GRIN2B: variants seen among roughly 807,000 people sequenced by gnomAD.
GRIN2B encodes the protein glutamate ionotropic receptor NMDA type subunit 2B.
Under a neutral mutation model 114.5 loss-of-function variants are expected in GRIN2B, and 5 were observed. The observed-to-expected ratio is 0.04, with a 90% CI of 0.02 to 0.09. GRIN2B has a LOEUF of 0.09. Among genes scored for constraint, GRIN2B ranks in the 10% least tolerant of loss-of-function variants. GRIN2B has a pLI of 1.00. For synonymous variants in GRIN2B, 787 were observed against 745.1 expected (o/e 1.06, Z -0.92); for missense variants, 1,108 against 1,943.5 (o/e 0.57, Z 8.08).
intron 3 of GRIN2B, among the ~76,000 whole-genome samples, chr12:13,757,529 C>T (rs1339193804): frequency 6.6e-6 from 1 of 152,108 alleles, no homozygotes; most frequent in Non-Finnish European, 1.5e-5. Flanking sequence ...CTGTTTGTAG[C>T]TCACTATGCT....
Position 13,711,992 on chromosome 12 carries a change from T to C in GRIN2B, c.1011-36133A>G, listed in dbSNP as rs527815955. ...TGGAACCAACCCAAATGTCCAACAGTGATAGACTGGATTAAGAAAATGGGG... is the reference window on the plus strand; with the variant it reads ...TGGAACCAACCCAAATGTCCAACAGCGATAGACTGGATTAAGAAAATGGGG... On this transcript the variant is annotated intron_variant, in intron 4 of 13. Coordinates refer to ENST00000609686, the MANE Select transcript of GRIN2B (RefSeq NM_000834.5). Among the ~76,000 whole-genome samples, 518 of 152,138 alleles carry C rather than the reference T, an allele frequency of 3.4e-3. 3 individuals carry two copies. The highest frequency in any genetic ancestry group is 5.3e-3 in the Non-Finnish European group (359 of 67,996).
intron 4 of GRIN2B, among the ~76,000 whole-genome samples, chr12:13,752,804 C>A (rs1863506240): frequency 6.6e-6 from 1 of 152,206 alleles, no homozygotes; most frequent in African/African-American, 2.4e-5. Flanking sequence ...GACTACAGAT[C>A]CGCATAACCT....
intron 5 of GRIN2B, among the ~76,000 whole-genome samples, chr12:13,649,131 G>C (rs1470562499): frequency 6.6e-6 from 1 of 152,012 alleles, no homozygotes; most frequent in Non-Finnish European, 1.5e-5. Flanking sequence ...TACTGATCTT[G>C]CCAGGGGTTG....
At chr12:13,768,571 G>A (rs555355065) in intron 3 of GRIN2B, among the ~76,000 whole-genome samples, 1 of 152,316 alleles carries the variant, frequency 6.6e-6, no homozygotes, top group African/African-American at 2.4e-5. Flanking sequence ...TGTCCTTGAG[G>A]AAGACCCAGT....
intron 5 of GRIN2B, among the ~76,000 whole-genome samples, chr12:13,672,760 G>T (rs1211780831): frequency 6.6e-6 from 1 of 152,074 alleles, no homozygotes; most frequent in East Asian, 1.9e-4. Context: ...CCTACAAAAA[G>T]ATTAACCACA....
chr12:13,936,373 C>G (rs907048020), intron 2 of GRIN2B, among the ~76,000 whole-genome samples: 1 of 152,076 alleles, frequency 6.6e-6, no homozygotes, highest in Non-Finnish European at 1.5e-5. Flanking sequence ...AAGATCTGTA[C>G]CCCAAAATAA....
intron 10 of GRIN2B, among the ~76,000 whole-genome samples, chr12:13,586,243 T>G (rs1948923674): frequency 6.6e-6 from 1 of 152,204 alleles, no homozygotes; most frequent in Non-Finnish European, 1.5e-5. Flanking sequence ...AGACCATACA[T>G]GGTTTAGGAC....
At chr12:13,965,393 G>A (rs906369490) in intron 2 of GRIN2B, among the ~76,000 whole-genome samples, 2 of 152,140 alleles carry the variant, frequency 1.3e-5, no homozygotes, top group Admixed American at 6.5e-5. Flanking sequence ...CCAAATGGCA[G>A]CCTTTGGCCC....
intron 4 of GRIN2B, among the ~76,000 whole-genome samples, chr12:13,749,103 G>A (rs192647893): frequency 6.6e-6 from 1 of 152,220 alleles, no homozygotes; most frequent in Non-Finnish European, 1.5e-5. Context: ...CACCTGATAA[G>A]TAATGTTCAT....
intron 3 of GRIN2B, among the ~76,000 whole-genome samples, chr12:13,763,959 T>C (rs1358813800): frequency 6.6e-6 from 1 of 152,216 alleles, no homozygotes; most frequent in Non-Finnish European, 1.5e-5. Context: ...AATGGATGTT[T>C]AAGACTTCTG....
At chr12:13,683,516 T>G (rs1950149798) in intron 4 of GRIN2B, 1 of 152,454 alleles carries the variant, frequency 6.6e-6, no homozygotes, top group South Asian at 2.1e-4. Context: ...TCTCATAGGA[T>G]TGTTGTGTTT....
intron 3 of GRIN2B, among the ~76,000 whole-genome samples, chr12:13,849,341 C>A (rs1476889839): frequency 6.6e-6 from 1 of 152,112 alleles, no homozygotes; most frequent in Non-Finnish European, 1.5e-5. Context: ...GCTGTCACAG[C>A]CGTTGGACAA....
At position 13,558,425 on chromosome 12, in the gene GRIN2B, A is replaced by G. The variant is rs1258204614; in HGVS notation, c.*4358T>C. 2.0e-5 allele frequency: 3 copies of G among 151,926 alleles called. No individual in the cohort carries two copies. Among genetic ancestry groups the G allele is most frequent in the Non-Finnish European group, 4.4e-5 (3 of 68,018 alleles). The allele number at this position is 151,926 out of a possible 1,614,324, so 9.4% of individuals were successfully genotyped here. A position where few individuals can be genotyped will look rare whatever the true frequency, so the allele number is the denominator to read the frequency against. ...TTTCCAAAAGCTTATTGCCCAAACA[A>G]TCTGGTTATTCTATCTGTAAATCTT... On this transcript the variant is annotated 3_prime_UTR_variant, in exon 14 of 14. Coordinates refer to ENST00000609686, the MANE Select transcript of GRIN2B (RefSeq NM_000834.5).
At chr12:13,586,591 C>T (rs1025564882) in intron 10 of GRIN2B, among the ~76,000 whole-genome samples, 2 of 152,104 alleles carry the variant, frequency 1.3e-5, no homozygotes, top group African/African-American at 4.8e-5. Context: ...AAGTCATTGC[C>T]AAATAGGTCC....
chr12:13,869,586 C>A (rs1183301525), intron 2 of GRIN2B, among the ~76,000 whole-genome samples: 1 of 152,174 alleles, frequency 6.6e-6, no homozygotes, highest in Non-Finnish European at 1.5e-5. Context: ...GTAAGTCATA[C>A]TTTCCTTTTA....
chr12:13,871,380 T>TAA (rs71067734), intron 2 of GRIN2B, among the ~76,000 whole-genome samples: 14 of 143,958 alleles, frequency 9.7e-5, no homozygotes, highest in South Asian at 2.2e-4. Flanking sequence ...TCCAAAATCT[T>TAA]AAAAAAAAAA....
At chr12:13,832,764 A>T (rs1489910663) in intron 3 of GRIN2B, among the ~76,000 whole-genome samples, 1 of 152,178 alleles carries the variant, frequency 6.6e-6, no homozygotes, top group Non-Finnish European at 1.5e-5. Context: ...TATGATGACC[A>T]CCTTTCAAGT....
Position 13,929,223 on chromosome 12 carries a change from G to A in GRIN2B, c.-19+50705C>T, listed in dbSNP as rs182069295. Among the ~76,000 whole-genome samples, 494 of 152,210 alleles carry A rather than the reference G, an allele frequency of 3.2e-3. 2 individuals carry two copies. The highest frequency in any genetic ancestry group is 0.02 in the Middle Eastern group (6 of 294). On this transcript the variant is annotated intron_variant, in intron 2 of 13. Transcript: ENST00000609686. The stretch of plus-strand genomic sequence containing the variant: ...TAAAAAGATACCTAAATGGGAGACC[G>A]GCATGGGTTGTTATTTTTAAGACAA...
intron 4 of GRIN2B, among the ~76,000 whole-genome samples, chr12:13,719,000 AC>A (rs1176102938): frequency 6.6e-6 from 1 of 151,994 alleles, no homozygotes; most frequent in Admixed American, 6.6e-5. Context: ...TCAACCACTC[AC>A]AGCATGGGTA....
Sources: allele counts gnomAD v4.1 joint callset (sites outside exome capture counted in the v4.1 genomes callset), GRCh38; gene constraint gnomAD v4.1.1; transcripts MANE v1.5; gene names NCBI Gene and HGNC (gene_info 2026-07-23, HGNC 2026-07-21).